The following ILDR1 variants were observed in gnomAD, a reference collection of about 807,000 sequenced individuals.
ILDR1 encodes the protein immunoglobulin-like domain-containing receptor 1.
ILDR1 carries 56 observed loss-of-function variants against 62.4 expected under a neutral mutation model. That is an observed-to-expected ratio of 0.90 (90% CI 0.72 to 1.12). ILDR1 has a LOEUF of 1.12. Among genes scored for constraint, ILDR1 ranks in the 50% most tolerant of loss-of-function variants. The probability of loss-of-function intolerance (pLI) is 0.00; values close to 1 mark genes in which losing one functional copy is unlikely to be tolerated. For missense variants in ILDR1, 736 were observed against 710.6 expected, an observed-to-expected ratio of 1.04 and a Z score of -0.41; for synonymous variants, 284 against 277.8, an observed-to-expected ratio of 1.02 and a Z score of -0.22.
the ILDR1 span, among the ~76,000 whole-genome samples, chr3:122,041,825 CT>C: frequency 3.3e-5 from 5 of 150,330 alleles, no homozygotes; most frequent in East Asian, 7.8e-4. Context: ...ATCTTTAGAG[CT>C]TTCTATATAT....
the ILDR1 span, among the ~76,000 whole-genome samples, chr3:122,046,785 C>G: frequency 1.5e-5 from 2 of 136,726 alleles, no homozygotes; most frequent in East Asian, 4.4e-4. Flanking sequence ...CCTTTAAGCA[C>G]TTCCCTGTAT....
At chr3:122,044,414 G>A in the ILDR1 span, among the ~76,000 whole-genome samples, 1 of 142,756 alleles carries the variant, frequency 7.0e-6, no homozygotes. Context: ...TTTGGTATCA[G>A]AATGATGCTG....
At chr3:122,051,637 T>A in the ILDR1 span, among the ~76,000 whole-genome samples, 1 of 152,162 alleles carries the variant, frequency 6.6e-6, no homozygotes, top group Non-Finnish European at 1.5e-5. Context: ...AGACTTATTT[T>A]GTTTCTTTGA....
chr3:122,022,125 C>A lies in ILDR1; in HGVS notation c.-48G>T. 1.3e-6 allele frequency: 2 copies of A among 1,513,460 alleles called. No individual in the cohort carries two copies. The highest frequency in any genetic ancestry group is 1.8e-6 in the Non-Finnish European group (2 of 1,108,190). The allele number at this position is 1,513,460 out of a possible 1,614,324, so 93.8% of individuals were successfully genotyped here. ...TCAGCTCAGGGGCTTCGGGGCACTGCGTCTTTCTTCCTCAGCTGCCGCCCC... is the reference window on the plus strand; with the variant it reads ...TCAGCTCAGGGGCTTCGGGGCACTGAGTCTTTCTTCCTCAGCTGCCGCCCC... On this transcript the variant is annotated 5_prime_UTR_variant, in exon 1 of 8. Coordinates refer to ENST00000344209, the MANE Select transcript of ILDR1 (RefSeq NM_001199799.2).
chr3:122,000,717 G>C (rs1340319289), intron 5 of ILDR1, among the ~76,000 whole-genome samples: 1 of 152,202 alleles, frequency 6.6e-6, no homozygotes, highest in East Asian at 1.9e-4. Context: ...ATTAGCATCT[G>C]AAGTAGGGGG....
At chr3:121,988,545 A>G in intron 7 of ILDR1, 137 bp from the exon 8 acceptor site, 1 of 725,000 alleles carries the variant, frequency 1.4e-6, no homozygotes, top group South Asian at 1.5e-5. Context: ...GAACCTAAAA[A>G]GTATTTCTTT....
Position 121,993,565 on chromosome 3 carries a change from A to G in ILDR1, c.1184T>C (p.Leu395Ser), listed in dbSNP as rs143311654. 881 of 1,614,076 alleles carry G rather than the reference A, an allele frequency of 5.5e-4. No homozygotes were observed. Among genetic ancestry groups the G allele is most frequent in the Non-Finnish European group, 7.2e-4 (850 of 1,180,034 alleles). The change falls in exon 7 of 8, where the codon TTG (leucine) becomes TCG (serine). Residue 395 changes from leucine (L) to serine (S), a missense_variant. By Grantham distance (145) the Leu-to-Ser change is moderately radical (BLOSUM62 -2). Coordinates refer to ENST00000344209, the MANE Select transcript of ILDR1 (RefSeq NM_001199799.2). Reference protein sequence around the residue: ...PKSWALERRELDPSWSGRHRS... With the variant: ...PKSWALERRESDPSWSGRHRS... ...GTGCCTTCCACTCCACGATGGGTCC[A>G]ACTCCCTTCTTTCCAATGCCCAAGA...
upstream of ILDR1, among the ~76,000 whole-genome samples, chr3:122,026,915 AATCT>A (rs1481743538): frequency 1.3e-4 from 20 of 152,210 alleles, no homozygotes; most frequent in African/African-American, 4.6e-4. Flanking sequence ...ATATAAAGAG[AATCT>A]ATACATTATA....
Position 121,991,115 on chromosome 3 carries a change from G to A in ILDR1, c.1599+2035C>T, listed in dbSNP as rs759107637. On this transcript the variant is annotated intron_variant, in intron 7 of 7. Coordinates refer to ENST00000344209, the MANE Select transcript of ILDR1 (RefSeq NM_001199799.2). Reference sequence around the variant, plus strand: ...ATCACGAGGCTGAGGCTGGAGAATCGCTTGAACTGGGGAGGCAGAGGTTGC... The same window carrying A: ...ATCACGAGGCTGAGGCTGGAGAATCACTTGAACTGGGGAGGCAGAGGTTGC... Among the ~76,000 whole-genome samples, 6 of 152,056 alleles carry A rather than the reference G, an allele frequency of 3.9e-5. No individual in the cohort carries two copies. The South Asian group carries it at 8.3e-4, about 21-fold the overall frequency.
At chr3:122,033,488 T>A in the ILDR1 span, among the ~76,000 whole-genome samples, 4 of 152,220 alleles carry the variant, frequency 2.6e-5, no homozygotes, top group Middle Eastern at 6.8e-3. Context: ...ATATTTTTAT[T>A]ATTTATTTTA....
intron 1 of ILDR1, among the ~76,000 whole-genome samples, chr3:122,010,908 T>G (rs1315266276): frequency 2.0e-5 from 3 of 152,244 alleles, no homozygotes; most frequent in Admixed American, 2.0e-4. Context: ...GCTCACTTCC[T>G]GTACAACAAA....
the ILDR1 span, among the ~76,000 whole-genome samples, chr3:122,042,965 G>A: frequency 8.7e-4 from 130 of 149,732 alleles, 1 homozygote; most frequent in Middle Eastern, 3.4e-3. Context: ...ATTGCTTTTG[G>A]TGTTTTGGAC....
rs371286984 is a variant in ILDR1 at position 121,993,260 on chromosome 3, G to A, written c.1489C>T (p.Arg497Cys). The change falls in exon 7 of 8, where the codon CGC becomes TGC. Residue 497 changes from arginine (R) to cysteine (C), a missense_variant. Arg to Cys is a radical substitution (Grantham distance 180, BLOSUM62 -3). Transcript: ENST00000344209. ...GGCCAGTGTGGGGAGTGCGAGCCGCGGCGGTGGGCCCGCCAGCTCTGGGGC... is the reference window on the plus strand; with the variant it reads ...GGCCAGTGTGGGGAGTGCGAGCCGCAGCGGTGGGCCCGCCAGCTCTGGGGC... ...RQPQSWRAHR[R>C]GSHSPHWPEE... is the part of the protein sequence containing the mutation. 1.1e-5 allele frequency: 18 copies of A among 1,613,486 alleles called. No homozygotes were observed. The highest frequency in any genetic ancestry group is 1.6e-4 in the Middle Eastern group (1 of 6,084).
chr3:122,018,827 A>T (rs544620833), intron 1 of ILDR1, among the ~76,000 whole-genome samples: 66 of 152,302 alleles, frequency 4.3e-4, no homozygotes, highest in South Asian at 8.3e-4. Flanking sequence ...ACAGTCTCCC[A>T]TCCATCACCC....
chr3:122,027,156 T>C (rs1406753952), upstream of ILDR1, among the ~76,000 whole-genome samples: 1 of 152,216 alleles, frequency 6.6e-6, no homozygotes, highest in Non-Finnish European at 1.5e-5. Flanking sequence ...TGTTTTAAGT[T>C]AGTATCAAGC....
intron 3 of ILDR1, among the ~76,000 whole-genome samples, chr3:122,004,464 G>A (rs2071573495): frequency 6.6e-6 from 1 of 152,166 alleles, no homozygotes; most frequent in South Asian, 2.1e-4. Flanking sequence ...TAGAAATTGA[G>A]GCTGAAAAAA....
At chr3:122,007,297 T>G in intron 1 of ILDR1, 136 bp from the exon 2 acceptor site, 2 of 1,547,176 alleles carry the variant, frequency 1.3e-6, no homozygotes, top group South Asian at 1.2e-5. Context: ...GAGTCTGGGT[T>G]CTTACTCACC....
chr3:122,054,235 ATTAT>A, the ILDR1 span, among the ~76,000 whole-genome samples: 1 of 152,176 alleles, frequency 6.6e-6, no homozygotes, highest in Non-Finnish European at 1.5e-5. Context: ...CTAATTTATA[ATTAT>A]TTAGCCTTAT....
At chr3:122,030,346 GGA>G in the ILDR1 span, among the ~76,000 whole-genome samples, 7 of 151,848 alleles carry the variant, frequency 4.6e-5, no homozygotes, top group South Asian at 1.3e-3. Flanking sequence ...GGGAGGGGAG[GGA>G]GAGAGAGAAA....
Sources: gnomAD v4.1 joint callset for allele counts (sites outside exome capture counted in the v4.1 genomes callset) on GRCh38, gnomAD v4.1.1 for gene constraint, MANE v1.5 for transcripts, NCBI Gene and HGNC (gene_info 2026-07-23, HGNC 2026-07-21) for gene names.